KCNG3: variants seen among roughly 807,000 people sequenced by gnomAD.
KCNG3 encodes potassium voltage-gated channel modifier subfamily G member 3, also known as voltage-gated potassium channel regulatory subunit KCNG3.
In KCNG3, 15 loss-of-function variants were observed where a neutral mutation model predicts 29.0. The ratio of observed to expected loss-of-function variants is 0.52; its 90% confidence interval spans 0.35 to 0.80. KCNG3 has a LOEUF of 0.80. Among genes scored for constraint, KCNG3 ranks in the 30% least tolerant of loss-of-function variants. The pLI is 0.01. For missense variants in KCNG3, 512 were observed against 605.7 expected, an observed-to-expected ratio of 0.85 and a Z score of 1.62; for synonymous variants, 322 against 248.9, an observed-to-expected ratio of 1.29 and a Z score of -2.76.
chr2:42,485,681 C>T (rs1673702546), intron 1 of KCNG3, among the ~76,000 whole-genome samples: 2 of 152,132 alleles, frequency 1.3e-5, no homozygotes, highest in Non-Finnish European at 2.9e-5. Context: ...ATCTCCTGAC[C>T]TCGTGATCCA....
intron 1 of KCNG3, among the ~76,000 whole-genome samples, chr2:42,474,544 T>C (rs1382390530): frequency 1.3e-5 from 2 of 152,064 alleles, no homozygotes; most frequent in Non-Finnish European, 2.9e-5. Context: ...AAAATAAATA[T>C]ATTTTAAAAA....
At chr2:42,447,270 G>GTA (rs531570746) in intron 1 of KCNG3, among the ~76,000 whole-genome samples, 77 of 150,132 alleles carry the variant, frequency 5.1e-4, no homozygotes, top group East Asian at 3.7e-3. Context: ...GTACATACAT[G>GTA]TATATATATA....
chr2:42,400,773 G>A, the KCNG3 span, among the ~76,000 whole-genome samples: 2 of 151,356 alleles, frequency 1.3e-5, no homozygotes, highest in African/African-American at 2.4e-5. Context: ...TTATCCCACT[G>A]GAAAAAATGG....
the KCNG3 span, among the ~76,000 whole-genome samples, chr2:42,395,260 G>A: frequency 2.0e-5 from 3 of 152,178 alleles, no homozygotes; most frequent in African/African-American, 7.2e-5. Flanking sequence ...CCATGATTTA[G>A]GCAGTTCCAA....
the KCNG3 span, among the ~76,000 whole-genome samples, chr2:42,434,987 G>A: frequency 6.6e-6 from 1 of 152,234 alleles, no homozygotes; most frequent in African/African-American, 2.4e-5. Flanking sequence ...CTAAAGACAG[G>A]CATTAACACT....
Position 42,487,636 on chromosome 2 carries a change from C to G in KCNG3, c.665+5201G>C, listed in dbSNP as rs76298548. 1.3e-3 allele frequency among the ~76,000 whole-genome samples: 205 copies of G among 152,224 alleles called. 1 individual carries two copies. Among genetic ancestry groups the G allele is most frequent in the African/African-American group, 4.8e-3 (198 of 41,542 alleles). On this transcript the variant is annotated intron_variant, in intron 1 of 1. Transcript: ENST00000306078. ...ATACTTTGCAGAGTATGCAGAAACA[C>G]GCTCTCTCCTATATTGCTGGTGGAA...
At chr2:42,472,900 TA>T (rs1482549999) in intron 1 of KCNG3, among the ~76,000 whole-genome samples, 9 of 95,778 alleles carry the variant, frequency 9.4e-5, no homozygotes, top group African/African-American at 3.8e-4. Flanking sequence ...GATATATATA[TA>T]TATTTTTTTT....
intron 1 of KCNG3, among the ~76,000 whole-genome samples, chr2:42,457,095 C>G (rs1167524169): frequency 1.3e-5 from 2 of 152,110 alleles, no homozygotes; most frequent in African/African-American, 4.8e-5. Context: ...AAACATCTTT[C>G]TATACATTTA....
intron 1 of KCNG3, among the ~76,000 whole-genome samples, chr2:42,461,599 G>A (rs888774277): frequency 2.0e-5 from 3 of 152,086 alleles, no homozygotes; most frequent in African/African-American, 7.2e-5. Context: ...TGTGGTCCCC[G>A]GCCCCACACT....
At chr2:42,470,935 G>A (rs1303468556) in intron 1 of KCNG3, among the ~76,000 whole-genome samples, 1 of 151,856 alleles carries the variant, frequency 6.6e-6, no homozygotes, top group Non-Finnish European at 1.5e-5. Flanking sequence ...AAAGTGGAAG[G>A]ATCACTTGAG....
chr2:42,426,428 C>T, the KCNG3 span, among the ~76,000 whole-genome samples: 1 of 152,180 alleles, frequency 6.6e-6, no homozygotes, highest in Admixed American at 6.5e-5. Context: ...TTGGTTGATA[C>T]AGTACATCTG....
intron 1 of KCNG3, among the ~76,000 whole-genome samples, chr2:42,492,406 CA>C (rs1010252209): frequency 1.3e-5 from 2 of 152,156 alleles, no homozygotes; most frequent in African/African-American, 4.8e-5. Context: ...CACATTTCAC[CA>C]TAACAAGAAT....
chr2:42,432,010 G>C, the KCNG3 span, among the ~76,000 whole-genome samples: 1 of 147,736 alleles, frequency 6.8e-6, no homozygotes, highest in African/African-American at 2.5e-5. Context: ...CTGCACTCCA[G>C]CCTGGGTGAC....
chr2:42,483,420 C>T (rs923073088), intron 1 of KCNG3, among the ~76,000 whole-genome samples: 18 of 152,182 alleles, frequency 1.2e-4, no homozygotes, highest in Non-Finnish European at 2.6e-4. Context: ...TGGAAATGAT[C>T]GTGTTCTGTG....
In KCNG3 at chr2:42,442,353, T is replaced by C. The variant is rs1319345859; in HGVS notation, c.*1581A>G. Reference sequence around the variant, plus strand: ...AAGAAGTGTGATTTTTCCAGGCTTTTCTCAGAACCCAGAGATGTGTGAAGA... The same window carrying C: ...AAGAAGTGTGATTTTTCCAGGCTTTCCTCAGAACCCAGAGATGTGTGAAGA... On this transcript the variant is annotated 3_prime_UTR_variant, in exon 2 of 2. Transcript: ENST00000306078. 1.3e-5 allele frequency: 2 copies of C among 152,228 alleles called. No individual in the cohort carries two copies. Among genetic ancestry groups the C allele is most frequent in the East Asian group, 1.9e-4 (1 of 5,204 alleles). 9.4% of individuals were successfully genotyped at this position (152,228 alleles called of 1,614,324 possible). A position where few individuals can be genotyped will look rare whatever the true frequency, so the allele number is the denominator to read the frequency against.
At chr2:42,451,204 CAAAAAAAAAAAA>C (rs67651134) in intron 1 of KCNG3, among the ~76,000 whole-genome samples, 1 of 61,010 alleles carries the variant, frequency 1.6e-5, no homozygotes. Context: ...GACTCCAACT[CAAAAAAAAAAAA>C]AAAAAAAAAA....
At chr2:42,390,028 C>T in the KCNG3 span, among the ~76,000 whole-genome samples, 1 of 152,192 alleles carries the variant, frequency 6.6e-6, no homozygotes, top group African/African-American at 2.4e-5. Flanking sequence ...TTACTGCCCC[C>T]ACCCTAACTT....
the KCNG3 span, among the ~76,000 whole-genome samples, chr2:42,395,251 CAT>C: frequency 6.6e-6 from 1 of 152,110 alleles, no homozygotes; most frequent in Non-Finnish European, 1.5e-5. Flanking sequence ...AGAAGTGGTC[CAT>C]GATTTAGGCA....
chr2:42,428,319 A>G, the KCNG3 span, among the ~76,000 whole-genome samples: 2 of 151,756 alleles, frequency 1.3e-5, no homozygotes, highest in Non-Finnish European at 2.9e-5. Flanking sequence ...AATTAGCCAG[A>G]CAATAGTGGT....
Sources: allele counts gnomAD v4.1 joint callset (sites outside exome capture counted in the v4.1 genomes callset), GRCh38; gene constraint gnomAD v4.1.1; transcripts MANE v1.5; gene names NCBI Gene and HGNC (gene_info 2026-07-23, HGNC 2026-07-21).